Variants in RAB3B observed in about 807,000 individuals in gnomAD.
RAB3B encodes ras-related protein Rab-3B.
Under a neutral mutation model 20.5 loss-of-function variants are expected in RAB3B, and 11 were observed. The ratio of observed to expected loss-of-function variants is 0.54; its 90% CI spans 0.34 to 0.89. The LOEUF is 0.89. Ranked by LOEUF, RAB3B falls within the 40% of genes least tolerant of loss-of-function variation. The pLI, the probability that RAB3B is intolerant of heterozygous loss-of-function variation, is 0.02. For synonymous variants in RAB3B, 99 were observed against 106.3 expected (o/e 0.93, Z 0.42); for missense variants, 225 against 280.9 (o/e 0.80, Z 1.42).
At chr1:51,962,047 C>G (rs899521530) in intron 2 of RAB3B, among the ~76,000 whole-genome samples, 2 of 152,198 alleles carry the variant, frequency 1.3e-5, no homozygotes, top group African/African-American at 4.8e-5. Context: ...GCTGGGATTA[C>G]AGGCATGAAC....
At position 51,918,144 on chromosome 1, in the gene RAB3B, A is replaced by C. The variant is rs1684114516; in HGVS notation, c.*1783T>G. ...TATTTTTTTCCTCAGGTATTTAATT[A>C]AGGGGCTTCCACCAGAAGTGGTTTC... On this transcript the variant is annotated 3_prime_UTR_variant, in exon 5 of 5. Coordinates refer to ENST00000371655, the MANE Select transcript of RAB3B (RefSeq NM_002867.4). The C allele has an allele frequency of 6.6e-6, 1 of 152,194 alleles. No homozygotes were observed. The highest frequency in any genetic ancestry group is 2.4e-5 in the African/African-American group (1 of 41,440). The allele number at this position is 152,194 out of a possible 1,614,324, so 9.4% of individuals were successfully genotyped here.
intron 3 of RAB3B, among the ~76,000 whole-genome samples, chr1:51,934,269 TC>T (rs893805927): frequency 1.3e-5 from 2 of 152,030 alleles, no homozygotes; most frequent in African/African-American, 4.8e-5. Flanking sequence ...GGGAAGTCCT[TC>T]CCCACAACTA....
intron 2 of RAB3B, among the ~76,000 whole-genome samples, chr1:51,953,673 C>T (rs2809945): frequency 0.22 from 32,704 of 152,050 alleles, 4,258 homozygotes; most frequent in Non-Finnish European, 0.29. Flanking sequence ...CAGTGGCGCA[C>T]GCCTGTAGTC....
intron 2 of RAB3B, among the ~76,000 whole-genome samples, chr1:51,958,611 T>C (rs1684743024): frequency 1.3e-5 from 2 of 151,884 alleles, no homozygotes; most frequent in African/African-American, 4.8e-5. Context: ...TAATCCCAGT[T>C]ACTCGGGAGG....
chr1:51,975,453 C>G (rs760530530), intron 2 of RAB3B, among the ~76,000 whole-genome samples: 2 of 152,208 alleles, frequency 1.3e-5, no homozygotes, highest in Non-Finnish European at 2.9e-5. Flanking sequence ...AATATCCACA[C>G]TTTTGTGTAG....
Position 51,963,297 on chromosome 1 carries a change from C to T in RAB3B, c.228+13593G>A, listed in dbSNP as rs576936991. Among the ~76,000 whole-genome samples, 4 of 152,300 alleles carry T rather than the reference C, an allele frequency of 2.6e-5. No individual in the cohort carries two copies. The South Asian group carries it at 8.3e-4, about 32-fold the overall frequency. ...TCTTTCCCTACCACCTTTTCACTGT[C>T]CTTCATCCCTTGTGTTGTTACCTCC... On this transcript the variant is annotated intron_variant, in intron 2 of 4. Coordinates refer to ENST00000371655, the MANE Select transcript of RAB3B (RefSeq NM_002867.4).
intron 2 of RAB3B, among the ~76,000 whole-genome samples, chr1:51,970,685 C>T (rs780787066): frequency 1.3e-5 from 2 of 152,088 alleles, no homozygotes; most frequent in Non-Finnish European, 2.9e-5. Context: ...TGTTCCTACA[C>T]TGGAACCACA....
intron 2 of RAB3B, among the ~76,000 whole-genome samples, chr1:51,967,941 A>C (rs1380912050): frequency 6.6e-6 from 1 of 152,182 alleles, no homozygotes; most frequent in East Asian, 1.9e-4. Flanking sequence ...AATGGGATTA[A>C]ATTAAGGATC....
intron 3 of RAB3B, among the ~76,000 whole-genome samples, 156 bp downstream of exon 3, chr1:51,937,138 C>T (rs1684415607): frequency 6.6e-6 from 1 of 152,080 alleles, no homozygotes; most frequent in Non-Finnish European, 1.5e-5. Flanking sequence ...TTCATTCCTG[C>T]TTATGGATCT....
chr1:51,936,720 C>T (rs967863737), intron 3 of RAB3B, among the ~76,000 whole-genome samples: 1 of 152,178 alleles, frequency 6.6e-6, no homozygotes, highest in African/African-American at 2.4e-5. Flanking sequence ...CTTTCTCTGA[C>T]TCCCTAAACT....
intron 2 of RAB3B, 40 bp downstream of exon 2, chr1:51,976,850 G>A (rs541207237): frequency 2.5e-6 from 4 of 1,574,140 alleles, no homozygotes; most frequent in East Asian, 2.2e-5. Context: ...CAGGCCAGCC[G>A]CTTCTCAGGA....
intron 2 of RAB3B, among the ~76,000 whole-genome samples, chr1:51,955,008 C>G (rs1015966792): frequency 6.6e-6 from 1 of 151,882 alleles, no homozygotes; most frequent in Non-Finnish European, 1.5e-5. Context: ...GGGCCTATCA[C>G]CCGGAAGACA....
rs1054977556 is a variant in RAB3B, at chr1:51,914,628, A to C, written c.*5299T>G. 6.6e-6 allele frequency: 1 copy of C among 152,134 alleles called. No individual in the cohort carries two copies. Among genetic ancestry groups the C allele is most frequent in the East Asian group, 1.9e-4 (1 of 5,200 alleles). 9.4% of individuals were successfully genotyped at this position (152,134 alleles called of 1,614,324 possible). On this transcript the variant is annotated 3_prime_UTR_variant, in exon 5 of 5. Coordinates refer to ENST00000371655, the MANE Select transcript of RAB3B (RefSeq NM_002867.4). ...ATATAATGGATCAGGACCTTAAAAAACCATCATTTAACAGTATTTATATCT... is the reference window on the plus strand; with the variant it reads ...ATATAATGGATCAGGACCTTAAAAACCCATCATTTAACAGTATTTATATCT...
At chr1:51,977,168 G>GA in intron 1 of RAB3B, 51 bp from the exon 2 acceptor site, 1 of 1,418,426 alleles carries the variant, frequency 7.1e-7, no homozygotes, top group Non-Finnish European at 9.9e-7. Context: ...GTGTCACCCT[G>GA]AGTCACCATC....
intron 1 of RAB3B, among the ~76,000 whole-genome samples, chr1:51,981,944 A>C (rs1037701473): frequency 6.6e-6 from 1 of 152,206 alleles, no homozygotes; most frequent in Non-Finnish European, 1.5e-5. Context: ...GTATTTACTT[A>C]CTACACTTTT....
rs1553226576 is a variant in RAB3B at position 51,908,734 on chromosome 1, C to CA, written c.*11192_*11193insT. ...AGTTCAGAATTAGGACTGCCCACTG[C>CA]GGGGGGAACAGACCCTCCCCTGTTC... On this transcript the variant is annotated 3_prime_UTR_variant, in exon 5 of 5. Coordinates refer to ENST00000371655, the MANE Select transcript of RAB3B (RefSeq NM_002867.4). 6.6e-6 allele frequency: 1 copy of CA among 151,868 alleles called. No homozygotes were observed. Among genetic ancestry groups the CA allele is most frequent in the African/African-American group, 2.4e-5 (1 of 41,254 alleles). 9.4% of individuals were successfully genotyped at this position (151,868 alleles called of 1,614,324 possible).
At chr1:51,984,478 A>C (rs1310275090) in intron 1 of RAB3B, among the ~76,000 whole-genome samples, 1 of 146,838 alleles carries the variant, frequency 6.8e-6, no homozygotes, top group Non-Finnish European at 1.5e-5. Flanking sequence ...GCAACCTCCA[A>C]CTCCTGGGTT....
At chr1:51,956,747 C>T (rs1031904712) in intron 2 of RAB3B, among the ~76,000 whole-genome samples, 1 of 152,230 alleles carries the variant, frequency 6.6e-6, no homozygotes, top group Non-Finnish European at 1.5e-5. Context: ...CTCCCATACC[C>T]ACAGGCAGAA....
Position 51,915,533 on chromosome 1 carries a change from TTAA to T in RAB3B, c.*4391_*4393del, listed in dbSNP as rs745864179. On this transcript the variant is annotated 3_prime_UTR_variant, in exon 5 of 5. Transcript: ENST00000371655. ...TCTACTCCACTGCTGCTCCTAGAAG[TTAA>T]TAATGCTATAGACTGAGGAGACAAT... 5.3e-5 allele frequency: 8 copies of T among 152,074 alleles called. No individual in the cohort carries two copies. The highest frequency in any genetic ancestry group is 8.8e-5 in the Non-Finnish European group (6 of 68,040). The allele number at this position is 152,074 out of a possible 1,614,324, so 9.4% of individuals were successfully genotyped here. A position where few individuals can be genotyped will look rare whatever the true frequency, so the allele number is the denominator to read the frequency against.
Sources: gnomAD v4.1 joint callset for allele counts (sites outside exome capture counted in the v4.1 genomes callset) on GRCh38, gnomAD v4.1.1 for gene constraint, MANE v1.5 for transcripts, NCBI Gene and HGNC (gene_info 2026-07-23, HGNC 2026-07-21) for gene names.